GNA12: variants seen among roughly 807,000 people sequenced by gnomAD.
The protein encoded by GNA12 is G protein subunit alpha 12, also known as guanine nucleotide-binding protein subunit alpha-12.
Under a neutral mutation model 26.0 loss-of-function variants are expected in GNA12, and 9 were observed. The ratio of observed to expected loss-of-function variants is 0.35; its 90% CI spans 0.21 to 0.60. GNA12 has a LOEUF of 0.60. GNA12 is among the 20% of genes least tolerant of loss of function. The pLI, the probability that GNA12 is intolerant of heterozygous loss-of-function variation, is 0.78. For synonymous variants in GNA12, 264 were observed against 219.6 expected (o/e 1.20, Z -1.79); for missense variants, 405 against 525.8 (o/e 0.77, Z 2.25).
At chr7:2,738,664 C>A (rs1027790333) in intron 2 of GNA12, among the ~76,000 whole-genome samples, 11 of 151,918 alleles carry the variant, frequency 7.2e-5, no homozygotes, top group Non-Finnish European at 1.5e-4. Context: ...GAGTAGCCCT[C>A]TCTGAGTATG....
chr7:2,793,186 G>A (rs1302448238), intron 2 of GNA12, among the ~76,000 whole-genome samples: 1 of 152,204 alleles, frequency 6.6e-6, no homozygotes, highest in Non-Finnish European at 1.5e-5. Flanking sequence ...TGAAAGGCAA[G>A]GAAAGATCAA....
chr7:2,794,130 A>C (rs1792589443), intron 2 of GNA12, among the ~76,000 whole-genome samples: 1 of 152,172 alleles, frequency 6.6e-6, no homozygotes, highest in Non-Finnish European at 1.5e-5. Flanking sequence ...ATGAAGGTTA[A>C]GAATCAGTAA....
chr7:2,815,551 G>T (rs556951944), intron 1 of GNA12, among the ~76,000 whole-genome samples: 2 of 152,164 alleles, frequency 1.3e-5, no homozygotes, highest in Non-Finnish European at 2.9e-5. Flanking sequence ...GGACAACCAG[G>T]GACCACCCTG....
At chr7:2,761,483 T>C (rs935872145) in intron 2 of GNA12, among the ~76,000 whole-genome samples, 1 of 152,104 alleles carries the variant, frequency 6.6e-6, no homozygotes, top group Admixed American at 6.5e-5. Flanking sequence ...AACCAGAAAC[T>C]TTTTCCTAAA....
intron 2 of GNA12, among the ~76,000 whole-genome samples, chr7:2,740,781 A>C (rs181167117): frequency 2.0e-5 from 3 of 152,358 alleles, no homozygotes; most frequent in Non-Finnish European, 4.4e-5. Context: ...GCGGTGACTC[A>C]TGCCTATAAT....
chr7:2,733,595 T>C (rs1051464384), intron 2 of GNA12, 94 bp from the exon 3 acceptor site: 91 of 921,702 alleles, frequency 9.9e-5, no homozygotes, highest in Middle Eastern at 2.1e-4. Flanking sequence ...GCAGTGGCAT[T>C]TCGCCTCCGT....
chr7:2,819,430 C>T (rs772397475), intron 1 of GNA12, among the ~76,000 whole-genome samples: 2 of 152,184 alleles, frequency 1.3e-5, no homozygotes, highest in Non-Finnish European at 2.9e-5. Flanking sequence ...TGTTTTAAGT[C>T]CCGAAGCCTG....
chr7:2,788,734 T>A (rs1253340604), intron 2 of GNA12, among the ~76,000 whole-genome samples: 1 of 152,080 alleles, frequency 6.6e-6, no homozygotes, highest in East Asian at 1.9e-4. Flanking sequence ...AGGGTAAGGA[T>A]CAAGACTACC....
chr7:2,794,589 G>A, intron 2 of GNA12: 1 of 275,338 alleles, frequency 3.6e-6, no homozygotes, highest in South Asian at 4.6e-5. Context: ...TCCAAAGTGG[G>A]AAGCTGTTGT....
chr7:2,774,047 C>T (rs371428396), intron 2 of GNA12, among the ~76,000 whole-genome samples: 25 of 152,226 alleles, frequency 1.6e-4, no homozygotes, highest in African/African-American at 5.8e-4. Flanking sequence ...GAAGCAGCAA[C>T]GCAGAAATAC....
chr7:2,819,949 A>T (rs1454211347), intron 1 of GNA12, among the ~76,000 whole-genome samples: 3 of 152,230 alleles, frequency 2.0e-5, no homozygotes, highest in Non-Finnish European at 4.4e-5. Flanking sequence ...CATCATTCAT[A>T]ACACACAAAA....
intron 1 of GNA12, among the ~76,000 whole-genome samples, chr7:2,834,088 G>C (rs886308024): frequency 3.3e-5 from 5 of 152,186 alleles, no homozygotes; most frequent in African/African-American, 1.2e-4. Context: ...AATTTTCTAG[G>C]GAGAAGACCC....
chr7:2,833,679 T>C (rs950820125), intron 1 of GNA12, among the ~76,000 whole-genome samples: 3 of 152,162 alleles, frequency 2.0e-5, no homozygotes, highest in African/African-American at 7.2e-5. Context: ...CAACCCCGTA[T>C]GTCAAAGCAT....
At chr7:2,800,378 T>G (rs994273441) in intron 1 of GNA12, among the ~76,000 whole-genome samples, 13 of 152,132 alleles carry the variant, frequency 8.5e-5, no homozygotes, top group African/African-American at 3.1e-4. Flanking sequence ...AGGAGATCTT[T>G]GTGGTCTGGA....
At position 2,843,848 on chromosome 7, in the gene GNA12, G is replaced by C. The variant is rs1041280435; in HGVS notation, c.309+5C>G. The stretch of plus-strand genomic sequence containing the variant: ...TGCAGGTGCTGGGCGGGGGGCGCGC[G>C]TCACCTTGAGGATGTTGTCGAAGAT... On this transcript the variant is annotated splice_donor_5th_base_variant and intron_variant, in intron 1 of 3. Transcript: ENST00000275364. The C allele has an allele frequency of 2.0e-6, 3 of 1,463,950 alleles. No homozygotes were observed. The highest frequency in any genetic ancestry group is 2.7e-6 in the Non-Finnish European group (3 of 1,092,684). 90.7% of individuals were successfully genotyped at this position (1,463,950 alleles called of 1,614,324 possible).
Position 2,838,971 on chromosome 7 carries a change from G to A in GNA12, c.309+4882C>T, listed in dbSNP as rs76610114. On this transcript the variant is annotated intron_variant, in intron 1 of 3. Transcript: ENST00000275364. ...AGGACTCTTAACTGACAGAACTACTGAACAATCAGCAAGCATATAGAACTC... is the reference window on the plus strand; with the variant it reads ...AGGACTCTTAACTGACAGAACTACTAAACAATCAGCAAGCATATAGAACTC... 9.2e-3 allele frequency among the ~76,000 whole-genome samples: 1,402 copies of A among 152,246 alleles called. 16 individuals are homozygous for A. Among genetic ancestry groups the A allele is most frequent in the African/African-American group, 0.032 (1,325 of 41,538 alleles).
chr7:2,844,024 C>G lies in GNA12; in HGVS notation c.138G>C (p.Leu46=), dbSNP rs745714960. The stretch of plus-strand genomic sequence containing the variant: ...GGACCGCGCGCCGCTCGCGGGCCAG[C>G]AGCGCGTCGATGTCGCGGCTACGCC... The part of the protein sequence containing the change: ...ARRRSRDIDA[L]LARERRAVRR... Residue 46 remains leucine, a synonymous_variant, in exon 1 of 4, where the codon CTG becomes CTC. Coordinates refer to ENST00000275364, the MANE Select transcript of GNA12 (RefSeq NM_007353.3). 6.8e-7 allele frequency: 1 copy of G among 1,462,294 alleles called. No homozygotes were observed. Among genetic ancestry groups the G allele is most frequent in the African/African-American group, 1.5e-5 (1 of 68,060 alleles). 90.6% of individuals were successfully genotyped at this position (1,462,294 alleles called of 1,614,324 possible).
chr7:2,785,138 T>C (rs1035375685), intron 2 of GNA12, among the ~76,000 whole-genome samples: 1 of 152,206 alleles, frequency 6.6e-6, no homozygotes, highest in Non-Finnish European at 1.5e-5. Flanking sequence ...TTCTCACCAG[T>C]GCAGGATCCA....
At chr7:2,827,253 T>C (rs1793507097) in intron 1 of GNA12, among the ~76,000 whole-genome samples, 1 of 152,184 alleles carries the variant, frequency 6.6e-6, no homozygotes, top group African/African-American at 2.4e-5. Flanking sequence ...GGGGAGTCAC[T>C]ACTAACGTGT....
Sources: gnomAD v4.1 joint callset for allele counts (sites outside exome capture counted in the v4.1 genomes callset) on GRCh38, gnomAD v4.1.1 for gene constraint, MANE v1.5 for transcripts, NCBI Gene and HGNC (gene_info 2026-07-23, HGNC 2026-07-21) for gene names.